GPSM2: variants seen among roughly 807,000 people sequenced by gnomAD.
GPSM2 encodes G protein-signaling modulator 2.
GPSM2 carries 58 observed loss-of-function variants against 78.4 expected under a neutral mutation model. The observed-to-expected ratio is 0.74, with a 90% CI of 0.60 to 0.92. The LOEUF is 0.92. Ranked by LOEUF, GPSM2 falls within the 40% of genes least tolerant of loss-of-function variation. The probability of loss-of-function intolerance (pLI) is 0.00; values close to 1 mark genes in which losing one functional copy is unlikely to be tolerated. For missense variants in GPSM2, 700 were observed against 815.5 expected (o/e 0.86, Z 1.73); for synonymous variants, 224 against 280.2 (o/e 0.80, Z 2.00).
intron 5 of GPSM2, among the ~76,000 whole-genome samples, 165 bp downstream of exon 5, chr1:108,898,266 A>G (rs1410559264): frequency 6.6e-6 from 1 of 152,264 alleles, no homozygotes; most frequent in African/African-American, 2.4e-5. Context: ...TTATATTAGT[A>G]GTAATCTGCA....
chr1:108,886,279 C>T (rs1028787931), intron 2 of GPSM2, among the ~76,000 whole-genome samples: 27 of 152,144 alleles, frequency 1.8e-4, no homozygotes, highest in African/African-American at 6.3e-4. Context: ...AATATAAATA[C>T]ATTATTATTA....
intron 11 of GPSM2, among the ~76,000 whole-genome samples, chr1:108,917,042 G>C (rs781761047): frequency 2.0e-5 from 3 of 152,082 alleles, no homozygotes; most frequent in Non-Finnish European, 4.4e-5. Context: ...ACATTGCTTC[G>C]CCCTGTATTC....
At chr1:108,912,655 G>A (rs1170484096) in intron 10 of GPSM2, among the ~76,000 whole-genome samples, 3 of 151,534 alleles carry the variant, frequency 2.0e-5, no homozygotes, top group Non-Finnish European at 2.9e-5. Context: ...TGGGAGGATC[G>A]CTTTGAGCCC....
intron 8 of GPSM2, among the ~76,000 whole-genome samples, chr1:108,902,254 G>A (rs752214275): frequency 3.3e-5 from 5 of 151,912 alleles, no homozygotes; most frequent in Admixed American, 6.6e-5. Context: ...GGTGGCGCAC[G>A]CTTGTAATCC....
chr1:108,898,954 A>G lies in GPSM2; in HGVS notation c.757A>G (p.Ile253Val). ...ATATAGCAACCTTGGAAATGCATAT[A>G]TATTTCTTGGTGAATTTGAAACTGC... ...RAYSNLGNAY[I>V]FLGEFETASE... Residue 253 changes from isoleucine to valine, a missense_variant, in exon 7 of 15, where the codon ATA (isoleucine) becomes GTA (valine). Coordinates refer to ENST00000264126, the MANE Select transcript of GPSM2 (RefSeq NM_013296.5). 6.2e-7 allele frequency: 1 copy of G among 1,610,752 alleles called. No individual in the cohort carries two copies. The highest frequency in any genetic ancestry group is 1.1e-5 in the South Asian group (1 of 91,000).
At position 108,930,547 on chromosome 1, in the gene GPSM2, TAGG is replaced by T. The variant is rs1363370639; in HGVS notation, c.*610_*612del. 1.4e-5 allele frequency: 2 copies of T among 147,916 alleles called. No individual in the cohort carries two copies. Among genetic ancestry groups the T allele is most frequent in the African/African-American group, 2.5e-5 (1 of 39,278 alleles). 9.2% of individuals were successfully genotyped at this position (147,916 alleles called of 1,614,324 possible). On this transcript the variant is annotated 3_prime_UTR_variant, in exon 15 of 15. Transcript: ENST00000264126. ...CTGAGGCAGGAGGATCGCTTGAGGC[TAGG>T]AGTTCAAGACCAACCTGGGCAACAT...
intron 10 of GPSM2, among the ~76,000 whole-genome samples, chr1:108,908,649 G>A (rs1043202498): frequency 6.7e-6 from 1 of 150,254 alleles, no homozygotes; most frequent in Non-Finnish European, 1.5e-5. Flanking sequence ...CACTCCAGCC[G>A]ACAGAGAGAG....
At chr1:108,913,798 T>G (rs1394258294) in intron 10 of GPSM2, among the ~76,000 whole-genome samples, 1 of 152,220 alleles carries the variant, frequency 6.6e-6, no homozygotes, top group African/African-American at 2.4e-5. Context: ...GGAAATTCTC[T>G]GTATTTAATA....
At chr1:108,880,951 A>T (rs1665864284) in intron 1 of GPSM2, among the ~76,000 whole-genome samples, 1 of 152,220 alleles carries the variant, frequency 6.6e-6, no homozygotes, top group Admixed American at 6.5e-5. Flanking sequence ...CAAACTTTTT[A>T]CTGCCAGTGG....
At position 108,931,317 on chromosome 1, in the gene GPSM2, T is replaced by A. The variant is rs760614326; in HGVS notation, c.*1377T>A. On this transcript the variant is annotated 3_prime_UTR_variant, in exon 15 of 15. Coordinates refer to ENST00000264126, the MANE Select transcript of GPSM2 (RefSeq NM_013296.5). ...GCTTTGTCTTCCTTATCCCAGATAT[T>A]GAAGGCAGTTTACAAGGGGATGATA... 1.3e-6 allele frequency: 2 copies of A among 1,547,178 alleles called. No homozygotes were observed. The highest frequency in any genetic ancestry group is 1.7e-4 in the Middle Eastern group (1 of 5,976).
At chr1:108,909,233 T>A (rs1000898196) in intron 10 of GPSM2, among the ~76,000 whole-genome samples, 1 of 152,228 alleles carries the variant, frequency 6.6e-6, no homozygotes, top group African/African-American at 2.4e-5. Flanking sequence ...TATTTTTTAA[T>A]ATGGGGTCAC....
chr1:108,911,664 G>A (rs531125187), intron 10 of GPSM2, among the ~76,000 whole-genome samples: 15 of 152,260 alleles, frequency 9.9e-5, no homozygotes, highest in African/African-American at 3.6e-4. Context: ...CTTAATAGGT[G>A]TTTATAACAA....
At chr1:108,925,378 T>C (rs180792660) in intron 14 of GPSM2, among the ~76,000 whole-genome samples, 234 of 152,302 alleles carry the variant, frequency 1.5e-3, no homozygotes, top group African/African-American at 5.3e-3. Flanking sequence ...CATCAGCTTA[T>C]AGCTGGTATT....
intron 2 of GPSM2, among the ~76,000 whole-genome samples, chr1:108,891,664 ATTTT>A (rs58295802): frequency 4.3e-5 from 5 of 117,204 alleles, no homozygotes; most frequent in Admixed American, 1.8e-4. Context: ...CAGCCAGCTA[ATTTT>A]TTTTTTTTTT....
intron 2 of GPSM2, among the ~76,000 whole-genome samples, chr1:108,890,752 A>G (rs933912524): frequency 5.9e-5 from 9 of 152,154 alleles, no homozygotes; most frequent in African/African-American, 2.2e-4. Flanking sequence ...GGCACAATGA[A>G]TTTGTAATTT....
chr1:108,910,171 A>C (rs1276906505), intron 10 of GPSM2, among the ~76,000 whole-genome samples: 1 of 152,202 alleles, frequency 6.6e-6, no homozygotes, highest in Admixed American at 6.5e-5. Flanking sequence ...AAAATATTTG[A>C]AAATCTAGGA....
At chr1:108,888,019 C>T (rs1276800029) in intron 2 of GPSM2, among the ~76,000 whole-genome samples, 1 of 152,110 alleles carries the variant, frequency 6.6e-6, no homozygotes, top group Non-Finnish European at 1.5e-5. Context: ...ATATTATCAT[C>T]ATTTAATAAG....
chr1:108,884,379 C>T (rs1398935042), intron 1 of GPSM2, among the ~76,000 whole-genome samples: 3 of 152,050 alleles, frequency 2.0e-5, no homozygotes, highest in African/African-American at 7.2e-5. Flanking sequence ...AACAGCAATC[C>T]AAAAAACTAT....
intron 11 of GPSM2, among the ~76,000 whole-genome samples, chr1:108,915,826 A>C (rs1294195194): frequency 1.3e-5 from 2 of 152,270 alleles, no homozygotes; most frequent in Non-Finnish European, 2.9e-5. Context: ...CTGAACACAG[A>C]AATCAAGATA....
Sources: allele counts gnomAD v4.1 joint callset (sites outside exome capture counted in the v4.1 genomes callset), GRCh38; gene constraint gnomAD v4.1.1; transcripts MANE v1.5; gene names NCBI Gene and HGNC (gene_info 2026-07-23, HGNC 2026-07-21).